RSPO3: variants seen among roughly 807,000 people sequenced by gnomAD.
RSPO3 encodes the protein R-spondin 3.
RSPO3 carries 17 observed loss-of-function variants against 36.5 expected under a neutral mutation model. The ratio of observed to expected loss-of-function variants is 0.47; its 90% CI spans 0.32 to 0.70. The LOEUF (loss-of-function observed/expected upper bound fraction) is 0.70. RSPO3 is among the 30% of genes least tolerant of loss of function. RSPO3 has a pLI of 0.04. For missense variants in RSPO3, 294 were observed against 322.5 expected (o/e 0.91, Z 0.68); for synonymous variants, 108 against 107.0 (o/e 1.01, Z -0.06).
intron 1 of RSPO3, among the ~76,000 whole-genome samples, chr6:127,141,821 G>A (rs142993388): frequency 3.3e-3 from 497 of 152,148 alleles, no homozygotes; most frequent in Non-Finnish European, 5.7e-3. Context: ...TTGTATGTAG[G>A]TGTGTGTGTG....
Position 127,150,496 on chromosome 6 carries a change from A to G in RSPO3, c.360A>G (p.Leu120=). ...CAAAATGTAAAAGTGGATTTTACTT[A>G]CACCTTGGAAAGTGCCTTGACAATT... ...FCTKCKSGFY[L]HLGKCLDNCP... Residue 120 remains leucine, a synonymous_variant, in exon 3 of 5, where the codon TTA becomes TTG. Coordinates refer to ENST00000356698, the MANE Select transcript of RSPO3 (RefSeq NM_032784.5). The G allele has an allele frequency of 1.2e-6, 2 of 1,612,660 alleles. No individual in the cohort carries two copies. Among genetic ancestry groups the G allele is most frequent in the Non-Finnish European group, 1.7e-6 (2 of 1,179,158 alleles).
chr6:127,153,478 C>G (rs1032678108), intron 3 of RSPO3, among the ~76,000 whole-genome samples: 1 of 151,986 alleles, frequency 6.6e-6, no homozygotes, highest in African/African-American at 2.4e-5. Context: ...CTTTTTACTA[C>G]CTAAACTCAT....
intron 3 of RSPO3, among the ~76,000 whole-genome samples, chr6:127,154,296 T>C (rs751904040): frequency 1.3e-5 from 2 of 152,100 alleles, no homozygotes; most frequent in African/African-American, 2.4e-5. Context: ...TGTTATACAT[T>C]AGAAAGTTTT....
intron 1 of RSPO3, among the ~76,000 whole-genome samples, chr6:127,146,207 A>G (rs1224232273): frequency 6.6e-6 from 1 of 152,194 alleles, no homozygotes; most frequent in Non-Finnish European, 1.5e-5. Flanking sequence ...TGATTAAAAC[A>G]TAAAATTTTA....
At chr6:127,143,011 G>A (rs1439662261) in intron 1 of RSPO3, among the ~76,000 whole-genome samples, 1 of 150,596 alleles carries the variant, frequency 6.6e-6, no homozygotes, top group African/African-American at 2.4e-5. Flanking sequence ...TAGAAACAGG[G>A]TTTTGCTGTG....
At chr6:127,175,954 C>G (rs1274400984) in intron 4 of RSPO3, among the ~76,000 whole-genome samples, 1 of 151,580 alleles carries the variant, frequency 6.6e-6, no homozygotes, top group African/African-American at 2.4e-5. Context: ...TGTGTATTTA[C>G]CATTTTAAAA....
intron 1 of RSPO3, among the ~76,000 whole-genome samples, chr6:127,127,058 G>A (rs917556415): frequency 6.6e-6 from 1 of 151,988 alleles, no homozygotes; most frequent in Non-Finnish European, 1.5e-5. Flanking sequence ...AAAACTAGCT[G>A]GTAAGCATAT....
intron 4 of RSPO3, among the ~76,000 whole-genome samples, chr6:127,156,426 A>T (rs1313940195): frequency 2.0e-5 from 3 of 152,168 alleles, no homozygotes; most frequent in Non-Finnish European, 4.4e-5. Context: ...TCACTAATGT[A>T]TTCAGCACCA....
intron 4 of RSPO3, among the ~76,000 whole-genome samples, chr6:127,170,967 A>G (rs749172666): frequency 2.6e-5 from 4 of 151,748 alleles, no homozygotes; most frequent in Non-Finnish European, 4.4e-5. Flanking sequence ...GGTGATGGCT[A>G]TACAACAGTG....
At chr6:127,132,506 A>G (rs1774077466) in intron 1 of RSPO3, among the ~76,000 whole-genome samples, 2 of 152,072 alleles carry the variant, frequency 1.3e-5, no homozygotes, top group South Asian at 4.1e-4. Flanking sequence ...AATGGCTTAA[A>G]AAAAGGTGGG....
In RSPO3 at chr6:127,119,290, G is replaced by A. The variant is rs774060699; in HGVS notation, c.97+1G>A. 6.2e-7 allele frequency: 1 copy of A among 1,610,204 alleles called. No homozygotes were observed. The highest frequency in any genetic ancestry group is 8.5e-7 in the Non-Finnish European group (1 of 1,177,060). On this transcript the variant is annotated splice_donor_variant, in intron 1 of 4. Coordinates refer to ENST00000356698, the MANE Select transcript of RSPO3 (RefSeq NM_032784.5). LOFTEE classifies it high-confidence loss of function. ...TCCCGGGGAAGGCGCCAGCGAAGAA[G>A]TAAGTGCAGGGTTTTTTACGCGTTT...
At chr6:127,192,131 T>C (rs1245338022) in intron 4 of RSPO3, among the ~76,000 whole-genome samples, 2 of 152,176 alleles carry the variant, frequency 1.3e-5, no homozygotes, top group Admixed American at 1.3e-4. Context: ...TCTCTCTTCA[T>C]GGAGTTCAAT....
intron 1 of RSPO3, among the ~76,000 whole-genome samples, chr6:127,128,582 A>C (rs937892380): frequency 3.9e-5 from 6 of 152,134 alleles, no homozygotes; most frequent in Non-Finnish European, 7.4e-5. Context: ...GGCTAGACAG[A>C]CAAAATAGAC....
chr6:127,151,967 A>G (rs1774499708), intron 3 of RSPO3, among the ~76,000 whole-genome samples: 1 of 152,080 alleles, frequency 6.6e-6, no homozygotes, highest in Non-Finnish European at 1.5e-5. Context: ...TGTTTGTGAC[A>G]TTTCTCTACC....
chr6:127,151,367 A>G (rs1191616895), intron 3 of RSPO3, among the ~76,000 whole-genome samples: 1 of 152,008 alleles, frequency 6.6e-6, no homozygotes, highest in Non-Finnish European at 1.5e-5. Context: ...TGCAGCTACT[A>G]CAGCTACAAC....
At chr6:127,184,885 G>A (rs960930654) in intron 4 of RSPO3, among the ~76,000 whole-genome samples, 1 of 151,838 alleles carries the variant, frequency 6.6e-6, no homozygotes, top group Non-Finnish European at 1.5e-5. Flanking sequence ...TCCATCAGTG[G>A]TGGAAAGGGA....
In RSPO3 at chr6:127,119,095, C is replaced by G. The variant is rs1666836657; in HGVS notation, c.-98C>G. On this transcript the variant is annotated 5_prime_UTR_variant, in exon 1 of 5. Coordinates refer to ENST00000356698, the MANE Select transcript of RSPO3 (RefSeq NM_032784.5). ...AGAAGTCCCGCTGCTCGGGCACTGT[C>G]TATATACGCCTAACACCTACATATA... 1.1e-6 allele frequency: 1 copy of G among 922,500 alleles called. No homozygotes were observed. The highest frequency in any genetic ancestry group is 1.7e-5 in the African/African-American group (1 of 59,516). 57.1% of individuals were successfully genotyped at this position (922,500 alleles called of 1,614,324 possible).
At chr6:127,128,852 A>G (rs1205838652) in intron 1 of RSPO3, among the ~76,000 whole-genome samples, 2 of 152,116 alleles carry the variant, frequency 1.3e-5, no homozygotes, top group South Asian at 2.1e-4. Flanking sequence ...ATAAGAACAC[A>G]GCTACTAGGA....
At chr6:127,143,049 G>A (rs1222149227) in intron 1 of RSPO3, among the ~76,000 whole-genome samples, 1 of 151,480 alleles carries the variant, frequency 6.6e-6, no homozygotes, top group Non-Finnish European at 1.5e-5. Context: ...AAACTCCTTG[G>A]CTCAAGGAAA....
Sources: allele counts gnomAD v4.1 joint callset (sites outside exome capture counted in the v4.1 genomes callset), GRCh38; gene constraint gnomAD v4.1.1; transcripts MANE v1.5; gene names NCBI Gene and HGNC (gene_info 2026-07-23, HGNC 2026-07-21).